Variants in RARRES1 observed in about 807,000 individuals in gnomAD.
RARRES1 encodes retinoic acid receptor responder 1.
In RARRES1, 34 loss-of-function variants were observed where a neutral mutation model predicts 30.6. The ratio of observed to expected loss-of-function variants is 1.11; its 90% CI spans 0.84 to 1.48. RARRES1 has a LOEUF of 1.48. Ranked by LOEUF, RARRES1 falls within the 40% of genes most tolerant of loss-of-function variation. The pLI is 0.00. For synonymous variants in RARRES1, 153 were observed against 155.5 expected, an observed-to-expected ratio of 0.98 and a Z score of 0.12; for missense variants, 373 against 386.5, an observed-to-expected ratio of 0.97 and a Z score of 0.29.
In RARRES1 at chr3:158,704,674, GA is replaced by G. The variant is rs1726854006; in HGVS notation, c.672+116del. The G allele has an allele frequency of 1.4e-5, 20 of 1,402,014 alleles. No individual in the cohort carries two copies. The East Asian group carries it at 4.8e-4, about 33-fold the overall frequency. 86.8% of individuals were successfully genotyped at this position (1,402,014 alleles called of 1,614,324 possible). On this transcript the variant is annotated intron_variant, in intron 4 of 5. Coordinates refer to ENST00000237696, the MANE Select transcript of RARRES1 (RefSeq NM_206963.2). ...CATTGCAGGAACTCACATATTTATT[GA>G]AATAAATGTGATTACAACTCTTGAT...
Position 158,729,794 on chromosome 3 carries a change from T to G in RARRES1, c.276+2346A>C, listed in dbSNP as rs376385667. 2.1e-4 allele frequency among the ~76,000 whole-genome samples: 32 copies of G among 152,144 alleles called. No individual in the cohort carries two copies. The East Asian group carries it at 5.6e-3, about 27-fold the overall frequency. The stretch of plus-strand genomic sequence containing the variant: ...ATGGTTTGGAAGGGGAAAAAAAATC[T>G]CTGGGATTGAAAACTGGTGTACCTT... On this transcript the variant is annotated intron_variant, in intron 1 of 5. Transcript: ENST00000237696.
In RARRES1 at chr3:158,711,020, A is replaced by G. The variant is rs1023653796; in HGVS notation, c.340-87T>C. The G allele has an allele frequency of 3.5e-5, 41 of 1,186,360 alleles. 1 individual carries two copies. The Middle Eastern group carries it at 8.0e-4, about 23-fold the overall frequency. The allele number at this position is 1,186,360 out of a possible 1,614,324, so 73.5% of individuals were successfully genotyped here. A position where few individuals can be genotyped will look rare whatever the true frequency, so the allele number is the denominator to read the frequency against. On this transcript the variant is annotated intron_variant, in intron 2 of 5. Transcript: ENST00000237696. ...CAAGATTGAGAAGAGTTCATTGTACAAGGCAGGCAGGCTCTGGCATCAATA... is the reference window on the plus strand; with the variant it reads ...CAAGATTGAGAAGAGTTCATTGTACGAGGCAGGCAGGCTCTGGCATCAATA...
At chr3:158,710,469 A>G (rs1349509531) in intron 3 of RARRES1, among the ~76,000 whole-genome samples, 2 of 152,138 alleles carry the variant, frequency 1.3e-5, no homozygotes, top group African/African-American at 4.8e-5. Context: ...CGGCCTCCCA[A>G]AGTGCTGGGA....
At chr3:158,718,143 T>C (rs1727385175) in intron 1 of RARRES1, among the ~76,000 whole-genome samples, 1 of 152,080 alleles carries the variant, frequency 6.6e-6, no homozygotes, top group African/African-American at 2.4e-5. Flanking sequence ...CAGGCCCAGC[T>C]AATTTTTTGT....
intron 3 of RARRES1, among the ~76,000 whole-genome samples, chr3:158,707,774 T>C (rs1393513970): frequency 1.3e-5 from 2 of 152,228 alleles, no homozygotes; most frequent in Non-Finnish European, 2.9e-5. Context: ...AGAAAATACC[T>C]GTTGAGAATA....
rs553173835 is a variant in RARRES1 at position 158,697,086 on chromosome 3, C to T, written c.*592G>A. The T allele has an allele frequency of 7.9e-5, 12 of 152,122 alleles. No individual in the cohort carries two copies. Among genetic ancestry groups the T allele is most frequent in the African/African-American group, 2.7e-4 (11 of 41,502 alleles). 9.4% of individuals were successfully genotyped at this position (152,122 alleles called of 1,614,324 possible). A position where few individuals can be genotyped will look rare whatever the true frequency, so the allele number is the denominator to read the frequency against. On this transcript the variant is annotated 3_prime_UTR_variant, in exon 6 of 6. Coordinates refer to ENST00000237696, the MANE Select transcript of RARRES1 (RefSeq NM_206963.2). ...TTTTTCCTTTGTATACAAATCTTCA[C>T]GAGAACATTCAACACATTTCATTAT...
intron 1 of RARRES1, among the ~76,000 whole-genome samples, chr3:158,726,442 C>T (rs78717230): frequency 0.014 from 2,173 of 152,340 alleles, 16 homozygotes; most frequent in African/African-American, 0.024. Context: ...CCCCCGAGCA[C>T]GGGCTCCTGC....
chr3:158,710,303 G>A (rs372576341), intron 3 of RARRES1, among the ~76,000 whole-genome samples: 1 of 151,592 alleles, frequency 6.6e-6, no homozygotes, highest in African/African-American at 2.4e-5. Flanking sequence ...CGCCTCCCAG[G>A]TTCATGCCAT....
rs1189611084 is a variant in RARRES1 at position 158,732,229 on chromosome 3, C to T, written c.187G>A (p.Ala63Thr). 7 of 1,400,894 alleles carry T rather than the reference C, an allele frequency of 5.0e-6. No individual in the cohort carries two copies. In the South Asian group the frequency reaches 7.9e-5, roughly 16 times the overall value. 86.8% of individuals were successfully genotyped at this position (1,400,894 alleles called of 1,614,324 possible). The change falls in exon 1 of 6, where the codon GCG (alanine) becomes ACG (threonine). Residue 63 changes from alanine (A) to threonine (T), a missense_variant. By Grantham distance (58) the Ala-to-Thr change is moderately conservative. Transcript: ENST00000237696. ...GVPRRLLQQA[A>T]RAALHFFNFR... Reference sequence around the variant, plus strand: ...TTGAAGAAGTGAAGCGCCGCGCGCGCCGCCTGCTGCAGGAGCCTGCGCGGG... The same window carrying T: ...TTGAAGAAGTGAAGCGCCGCGCGCGTCGCCTGCTGCAGGAGCCTGCGCGGG...
chr3:158,699,498 C>T (rs1050508540), intron 4 of RARRES1, among the ~76,000 whole-genome samples: 2 of 150,160 alleles, frequency 1.3e-5, no homozygotes, highest in South Asian at 2.2e-4. Context: ...TTTTACCAGC[C>T]GTGAAATGGC....
chr3:158,729,968 C>T (rs944796060), intron 1 of RARRES1, among the ~76,000 whole-genome samples: 2 of 152,134 alleles, frequency 1.3e-5, no homozygotes, highest in Admixed American at 6.5e-5. Context: ...TATCTCACTG[C>T]TCTGTTGGAC....
chr3:158,732,118 C>G (rs1027961380), intron 1 of RARRES1, 22 bp downstream of exon 1: 1 of 1,318,832 alleles, frequency 7.6e-7, no homozygotes, highest in Non-Finnish European at 9.6e-7. Context: ...GCGCGTGCCC[C>G]GGCGCGTCGC....
chr3:158,721,594 AT>A (rs1727514431), intron 1 of RARRES1, among the ~76,000 whole-genome samples: 2 of 152,206 alleles, frequency 1.3e-5, no homozygotes, highest in Admixed American at 6.5e-5. Context: ...CGCCGAGACT[AT>A]TCTCTTCAAA....
At chr3:158,721,592 C>G (rs1727511359) in intron 1 of RARRES1, among the ~76,000 whole-genome samples, 1 of 152,210 alleles carries the variant, frequency 6.6e-6, no homozygotes, top group South Asian at 2.1e-4. Context: ...GACGCCGAGA[C>G]TATTCTCTTC....
chr3:158,714,709 C>A (rs545196258), intron 1 of RARRES1, among the ~76,000 whole-genome samples: 1 of 152,130 alleles, frequency 6.6e-6, no homozygotes, highest in East Asian at 1.9e-4. Flanking sequence ...TTATTGTTTG[C>A]CATCTTTTTT....
At position 158,715,183 on chromosome 3, in the gene RARRES1, G is replaced by A. The variant is rs560472108; in HGVS notation, c.277-1324C>T. On this transcript the variant is annotated intron_variant, in intron 1 of 5. Transcript: ENST00000237696. Reference sequence around the variant, plus strand: ...CACAAGTCTGTCTATTCACTCATTCGCTGTTAATCACCTACTATGCCAGGC... The same window carrying A: ...CACAAGTCTGTCTATTCACTCATTCACTGTTAATCACCTACTATGCCAGGC... Among the ~76,000 whole-genome samples the A allele has an allele frequency of 1.5e-3, 234 of 152,290 alleles. 1 individual carries two copies. Among genetic ancestry groups the A allele is most frequent in the Non-Finnish European group, 2.4e-3 (161 of 68,030 alleles).
intron 1 of RARRES1, among the ~76,000 whole-genome samples, chr3:158,729,620 C>A (rs1004596812): frequency 6.6e-6 from 1 of 151,788 alleles, no homozygotes; most frequent in Non-Finnish European, 1.5e-5. Context: ...CGGCTAATTT[C>A]TTTTTGTATT....
Position 158,732,142 on chromosome 3 carries a change from A to G in RARRES1, c.274T>C (p.Trp92Arg). 1 of 1,372,886 alleles carries G rather than the reference A, an allele frequency of 7.3e-7. No homozygotes were observed. The highest frequency in any genetic ancestry group is 9.3e-7 in the Non-Finnish European group (1 of 1,071,062). The allele number at this position is 1,372,886 out of a possible 1,614,324, so 85.0% of individuals were successfully genotyped here. ...VLAEVQEGRA[W>R]INPKEGCKVH... Reference sequence around the variant, plus strand: ...CCGGCGCGTCGCTCCGCACTCACCCACGCGCGGCCCTCCTGCACCTCGGCC... The same window carrying G: ...CCGGCGCGTCGCTCCGCACTCACCCGCGCGCGGCCCTCCTGCACCTCGGCC... The change falls in exon 1 of 6, where the codon TGG (tryptophan) becomes CGG (arginine). Residue 92 changes from tryptophan (W) to arginine (R), a missense_variant and splice_region_variant. By Grantham distance (101) the Trp-to-Arg change is moderately radical. Transcript: ENST00000237696.
intron 2 of RARRES1, among the ~76,000 whole-genome samples, chr3:158,711,808 C>T (rs1328060367): frequency 6.6e-6 from 1 of 152,082 alleles, no homozygotes; most frequent in Non-Finnish European, 1.5e-5. Context: ...GTTGGCCAGA[C>T]TGGTCTCGAC....
Sources: allele counts gnomAD v4.1 joint callset (sites outside exome capture counted in the v4.1 genomes callset), GRCh38; gene constraint gnomAD v4.1.1; transcripts MANE v1.5; gene names NCBI Gene and HGNC (gene_info 2026-07-23, HGNC 2026-07-21).